Variants in RAMP1 observed in about 807,000 individuals in gnomAD.
RAMP1 encodes receptor activity-modifying protein 1.
In RAMP1, 7 loss-of-function variants were observed where a neutral mutation model predicts 8.2. The ratio of observed to expected loss-of-function variants is 0.85; its 90% CI spans 0.49 to 1.60. The LOEUF is 1.60. Among genes scored for constraint, RAMP1 ranks in the 40% most tolerant of loss-of-function variants. RAMP1 has a pLI of 0.00. For missense variants in RAMP1, 192 were observed against 202.4 expected (o/e 0.95, Z 0.31); for synonymous variants, 92 against 84.7 (o/e 1.09, Z -0.47).
chr2:237,899,596 G>A (rs555310879), intron 2 of RAMP1, among the ~76,000 whole-genome samples: 3 of 152,170 alleles, frequency 2.0e-5, no homozygotes, highest in African/African-American at 4.8e-5. Flanking sequence ...TATGCTATGT[G>A]GCTAGATGAA....
At chr2:237,904,437 A>AAAAT (rs1387569014) in intron 2 of RAMP1, among the ~76,000 whole-genome samples, 1 of 151,398 alleles carries the variant, frequency 6.6e-6, no homozygotes, top group African/African-American at 2.4e-5. Flanking sequence ...AATAAAAATC[A>AAAAT]AAATAAATAA....
chr2:237,887,861 G>A (rs1223496976), intron 2 of RAMP1, among the ~76,000 whole-genome samples: 2 of 152,216 alleles, frequency 1.3e-5, no homozygotes, highest in Admixed American at 1.3e-4. Context: ...GGCCCAGGAG[G>A]TTGAGGTTGT....
chr2:237,903,844 G>T (rs188721393), intron 2 of RAMP1, among the ~76,000 whole-genome samples: 1 of 152,236 alleles, frequency 6.6e-6, no homozygotes, highest in East Asian at 1.9e-4. Flanking sequence ...ACAGGCACCC[G>T]CCACCACGCC....
chr2:237,896,306 G>C (rs1264540091), intron 2 of RAMP1, among the ~76,000 whole-genome samples: 1 of 152,238 alleles, frequency 6.6e-6, no homozygotes, highest in Admixed American at 6.5e-5. Context: ...GCAGCTCCCA[G>C]GCTGTGTCTG....
chr2:237,865,364 G>A lies in RAMP1; in HGVS notation c.52+5637G>A, dbSNP rs1010135053. On this transcript the variant is annotated intron_variant, in intron 1 of 2. Coordinates refer to ENST00000254661, the MANE Select transcript of RAMP1 (RefSeq NM_005855.4). This position sits in a 1 kb window ranked among gnomAD's most constrained non-coding sequence, Gnocchi z 4.2. Reference sequence around the variant, plus strand: ...AGGGCAGGGGAGTAGAGAGGAGAGTGCAGGGGAGGGGAGATGACACCCCAG... The same window carrying A: ...AGGGCAGGGGAGTAGAGAGGAGAGTACAGGGGAGGGGAGATGACACCCCAG... 6.7e-6 allele frequency among the ~76,000 whole-genome samples: 1 copy of A among 148,196 alleles called. No individual in the cohort carries two copies. Among genetic ancestry groups the A allele is most frequent in the African/African-American group, 2.5e-5 (1 of 39,972 alleles).
At chr2:237,875,980 C>T (rs1488867587) in intron 1 of RAMP1, among the ~76,000 whole-genome samples, 1 of 152,224 alleles carries the variant, frequency 6.6e-6, no homozygotes, top group Non-Finnish European at 1.5e-5. Flanking sequence ...TGGTCCATAC[C>T]ACTTCCGGCC....
chr2:237,864,813 C>T (rs747148988), intron 1 of RAMP1, among the ~76,000 whole-genome samples: 4 of 152,302 alleles, frequency 2.6e-5, no homozygotes, highest in East Asian at 1.9e-4. Context: ...CAGGAGACCA[C>T]GGAGCACAGC....
At chr2:237,882,989 C>T (rs1236673851) in intron 2 of RAMP1, among the ~76,000 whole-genome samples, 1 of 152,138 alleles carries the variant, frequency 6.6e-6, no homozygotes, top group African/African-American at 2.4e-5. Context: ...GGCAGGTGAC[C>T]TGATGGGGGA....
At chr2:237,892,980 C>T (rs908057087) in intron 2 of RAMP1, among the ~76,000 whole-genome samples, 1 of 152,152 alleles carries the variant, frequency 6.6e-6, no homozygotes, top group Admixed American at 6.5e-5. Context: ...TTAATTCAAG[C>T]GTGTCTTATT....
intron 2 of RAMP1, among the ~76,000 whole-genome samples, chr2:237,880,474 A>G (rs2062357338): frequency 6.6e-6 from 1 of 152,220 alleles, no homozygotes; most frequent in Non-Finnish European, 1.5e-5. Context: ...AGAGAATGGT[A>G]TCTAGAAACC....
intron 2 of RAMP1, among the ~76,000 whole-genome samples, chr2:237,881,323 C>T (rs925081880): frequency 4.6e-5 from 7 of 152,362 alleles, no homozygotes; most frequent in African/African-American, 1.4e-4. Context: ...AGGGCAGAAG[C>T]CAAGCGAGCA....
At chr2:237,895,242 G>T (rs541362348) in intron 2 of RAMP1, among the ~76,000 whole-genome samples, 1 of 152,148 alleles carries the variant, frequency 6.6e-6, no homozygotes, top group African/African-American at 2.4e-5. Flanking sequence ...AGGGCAGCGC[G>T]AGTCACATGC....
chr2:237,887,030 T>G (rs1278114256), intron 2 of RAMP1, among the ~76,000 whole-genome samples: 5 of 152,010 alleles, frequency 3.3e-5, no homozygotes, highest in Non-Finnish European at 5.9e-5. Context: ...ACAGGCCAGT[T>G]TGTGCACACA....
intron 2 of RAMP1, among the ~76,000 whole-genome samples, chr2:237,897,799 T>G (rs2062557795): frequency 1.3e-5 from 2 of 148,396 alleles, no homozygotes; most frequent in Non-Finnish European, 3.0e-5. Flanking sequence ...TTGTTTTTTG[T>G]TTGTTTGTTT....
intron 1 of RAMP1, among the ~76,000 whole-genome samples, chr2:237,874,205 G>T (rs763786851): frequency 1.1e-4 from 17 of 152,256 alleles, no homozygotes; most frequent in Admixed American, 7.2e-4. Flanking sequence ...GGCCCAGTAG[G>T]CTGGGGGCAG....
intron 2 of RAMP1, among the ~76,000 whole-genome samples, chr2:237,890,204 A>ATT (rs566475813): frequency 6.9e-6 from 1 of 145,082 alleles, no homozygotes. Context: ...GTGGGAAATA[A>ATT]TTTTTTTTTT....
At position 237,876,849 on chromosome 2, in the gene RAMP1, C is replaced by G. The variant is rs148966740; in HGVS notation, c.53-375C>G. 6.6e-4 allele frequency among the ~76,000 whole-genome samples: 100 copies of G among 152,272 alleles called. 1 individual carries two copies. In the East Asian group the frequency reaches 0.018, roughly 28 times the overall value. ...AGGAGATGTGCCTGCAGCTCCTGGG[C>G]TGGGGGGCACAGCCCAGCCCAGCCC... is the stretch of plus-strand genomic sequence containing the variant. On this transcript the variant is annotated intron_variant, in intron 1 of 2. Transcript: ENST00000254661.
chr2:237,867,550 C>T (rs1345412840), intron 1 of RAMP1, among the ~76,000 whole-genome samples: 1 of 152,076 alleles, frequency 6.6e-6, no homozygotes, highest in African/African-American at 2.4e-5. Flanking sequence ...AAGCTTTTGT[C>T]CTGTGAAGGA....
intron 2 of RAMP1, among the ~76,000 whole-genome samples, chr2:237,908,028 G>A (rs1039766107): frequency 3.3e-5 from 5 of 152,168 alleles, no homozygotes; most frequent in African/African-American, 1.2e-4. Context: ...TCATTGTTAT[G>A]GTTATCTTCA....
Sources: gnomAD v4.1 joint callset for allele counts (sites outside exome capture counted in the v4.1 genomes callset) on GRCh38, gnomAD v4.1.1 for gene constraint, Gnocchi (gnomAD v3.1) non-coding constraint, MANE v1.5 for transcripts, NCBI Gene and HGNC (gene_info 2026-07-23, HGNC 2026-07-21) for gene names.